The following CACNA1E variants were observed in gnomAD, a reference collection of about 807,000 sequenced individuals.
CACNA1E encodes calcium voltage-gated channel subunit alpha1 E.
Under a neutral mutation model 259.2 loss-of-function variants are expected in CACNA1E, and 40 were observed. That is an observed-to-expected ratio of 0.15 (90% CI 0.12 to 0.20). The LOEUF is 0.20. Among genes scored for constraint, CACNA1E ranks in the 10% least tolerant of loss-of-function variants. The probability of loss-of-function intolerance (pLI) is 1.00; values close to 1 mark genes in which losing one functional copy is unlikely to be tolerated. For missense variants in CACNA1E, 1,874 were observed against 3,040.1 expected (o/e 0.62, Z 9.02); for synonymous variants, 1,104 against 1,138.5 (o/e 0.97, Z 0.61).
intron 3 of CACNA1E, among the ~76,000 whole-genome samples, chr1:181,538,674 A>G (rs1054377534): frequency 6.6e-6 from 1 of 152,176 alleles, no homozygotes; most frequent in Non-Finnish European, 1.5e-5. Context: ...GGAAAAAAAA[A>G]ACACAGAGAG....
chr1:181,484,861 C>T (rs761333139), intron 1 of CACNA1E, among the ~76,000 whole-genome samples: 1 of 152,244 alleles, frequency 6.6e-6, no homozygotes, highest in Non-Finnish European at 1.5e-5. Context: ...CTCTCCCTAG[C>T]TCCAAAGGAA....
chr1:181,579,175 G>A lies in CACNA1E; in HGVS notation c.720G>A (p.Leu240=). 1 of 1,613,692 alleles carries A rather than the reference G, an allele frequency of 6.2e-7. No homozygotes were observed. The highest frequency in any genetic ancestry group is 8.5e-7 in the Non-Finnish European group (1 of 1,179,672). ...TCCTGATGTTTGCTATCATTGGTTT[G>A]GAGTTCTACAGTGGCAAGTTACATC... ...FAILMFAIIG[L]EFYSGKLHRA... Residue 240 remains leucine, a synonymous_variant, in exon 5 of 48, where the codon TTG becomes TTA. Coordinates refer to ENST00000367573, the MANE Select transcript of CACNA1E (RefSeq NM_001205293.3).
At chr1:181,417,945 C>G (rs1452703337) in intron 2 of CACNA1E, among the ~76,000 whole-genome samples, 3 of 152,104 alleles carry the variant, frequency 2.0e-5, no homozygotes, top group Non-Finnish European at 4.4e-5. Flanking sequence ...AAAAATGAGC[C>G]CCTTTGTTTA....
At chr1:181,437,538 T>C (rs1323428398) in intron 2 of CACNA1E, among the ~76,000 whole-genome samples, 1 of 152,282 alleles carries the variant, frequency 6.6e-6, no homozygotes, top group East Asian at 1.9e-4. Flanking sequence ...AAACTGCTCT[T>C]GTTCAGGTCA....
intron 24 of CACNA1E, among the ~76,000 whole-genome samples, 184 bp downstream of exon 24, chr1:181,738,610 G>A (rs774066514): frequency 6.6e-6 from 1 of 152,142 alleles, no homozygotes; most frequent in Non-Finnish European, 1.5e-5. Flanking sequence ...ACACGGCTGC[G>A]TGGATGTGTT....
At chr1:181,743,918 GGCCCGT>G (rs1481581169) in intron 25 of CACNA1E, among the ~76,000 whole-genome samples, 1 of 152,230 alleles carries the variant, frequency 6.6e-6, no homozygotes, top group Admixed American at 6.5e-5. Context: ...AATTTACCAT[GGCCCGT>G]GCATCAGTCA....
At chr1:181,610,284 T>C (rs1654634126) in intron 6 of CACNA1E, among the ~76,000 whole-genome samples, 1 of 152,192 alleles carries the variant, frequency 6.6e-6, no homozygotes, top group South Asian at 2.1e-4. Context: ...AGCCATTTCC[T>C]CATTCCCATC....
In CACNA1E at chr1:181,511,047, C is replaced by T. The variant is rs17494681; in HGVS notation, c.373-324C>T. 0.14 allele frequency among the ~76,000 whole-genome samples: 21,624 copies of T among 152,244 alleles called. 1,729 individuals are homozygous for T. The highest frequency in any genetic ancestry group is 0.18 in the Non-Finnish European group (12,166 of 67,998). The stretch of plus-strand genomic sequence containing the variant: ...TCACGTGTGTACTTGAGATGATGAC[C>T]TTCAAGCTTCTAACTTATGTGAAGA... On this transcript the variant is annotated intron_variant, in intron 2 of 47. Coordinates refer to ENST00000367573, the MANE Select transcript of CACNA1E (RefSeq NM_001205293.3).
chr1:181,576,339 T>G (rs1650972394), intron 3 of CACNA1E, among the ~76,000 whole-genome samples: 1 of 152,180 alleles, frequency 6.6e-6, no homozygotes, highest in Admixed American at 6.5e-5. Context: ...TACTTGGAGT[T>G]TTGGGAAGGG....
chr1:181,512,494 GGAGAGAAAA>G (rs1467027330), intron 3 of CACNA1E, among the ~76,000 whole-genome samples: 2 of 152,214 alleles, frequency 1.3e-5, no homozygotes, highest in African/African-American at 4.8e-5. Context: ...CAACAGGAAA[GGAGAGAAAA>G]GAGGAATTGT....
intron 1 of CACNA1E, among the ~76,000 whole-genome samples, chr1:181,375,446 AG>A (rs1319003254): frequency 6.6e-6 from 1 of 152,230 alleles, no homozygotes; most frequent in African/African-American, 2.4e-5. Flanking sequence ...TATCTGATAG[AG>A]TCTGCTAAGA....
intron 1 of CACNA1E, among the ~76,000 whole-genome samples, chr1:181,342,537 A>T (rs1315126478): frequency 6.6e-6 from 1 of 152,232 alleles, no homozygotes; most frequent in Non-Finnish European, 1.5e-5. Flanking sequence ...ACACGGATGA[A>T]TTTCCTAAAT....
intron 2 of CACNA1E, among the ~76,000 whole-genome samples, chr1:181,438,892 A>G (rs971873148): frequency 1.3e-5 from 2 of 151,766 alleles, no homozygotes; most frequent in Non-Finnish European, 2.9e-5. Flanking sequence ...TTGTGATAGC[A>G]GGGACTTAGA....
rs72452833 is a variant in CACNA1E, at chr1:181,611,402, G to GT, written c.951+30639dup. 8.7e-3 allele frequency among the ~76,000 whole-genome samples: 1,265 copies of GT among 145,220 alleles called. 6 individuals carry two copies. Among genetic ancestry groups the GT allele is most frequent in the South Asian group, 0.016 (75 of 4,610 alleles). ...ATTTTTGCTTGATTTTTAAGTCAGT[G>GT]TTTTTTTTTTTTTCTCAGAAGCAAT... On this transcript the variant is annotated intron_variant, in intron 6 of 47. Transcript: ENST00000367573.
chr1:181,638,904 T>C (rs1002492793), intron 6 of CACNA1E, among the ~76,000 whole-genome samples: 1 of 152,198 alleles, frequency 6.6e-6, no homozygotes, highest in African/African-American at 2.4e-5. Flanking sequence ...CATGCTGAAC[T>C]GTGAGTCAGT....
At chr1:181,447,405 C>A (rs1277048186) in intron 2 of CACNA1E, among the ~76,000 whole-genome samples, 1 of 151,650 alleles carries the variant, frequency 6.6e-6, no homozygotes, top group African/African-American at 2.4e-5. Context: ...TGGTGGTGTG[C>A]CTGTAGTCCC....
chr1:181,432,374 T>C (rs1455688329), intron 2 of CACNA1E, among the ~76,000 whole-genome samples: 1 of 152,130 alleles, frequency 6.6e-6, no homozygotes, highest in Non-Finnish European at 1.5e-5. Flanking sequence ...AATAAAAAAA[T>C]TTTTTAATGT....
intron 2 of CACNA1E, among the ~76,000 whole-genome samples, chr1:181,441,798 G>C (rs1660494636): frequency 6.6e-6 from 1 of 152,148 alleles, no homozygotes; most frequent in Admixed American, 6.6e-5. Flanking sequence ...GCAAACTCTT[G>C]TGTCTTTTTA....
At chr1:181,386,914 C>T (rs772271091) in intron 1 of CACNA1E, among the ~76,000 whole-genome samples, 12 of 152,190 alleles carry the variant, frequency 7.9e-5, no homozygotes, top group South Asian at 2.1e-4. Context: ...GAGTGGGGAC[C>T]GCTCTTGGGC....
Sources: allele counts gnomAD v4.1 joint callset (sites outside exome capture counted in the v4.1 genomes callset), GRCh38; gene constraint gnomAD v4.1.1; transcripts MANE v1.5; gene names NCBI Gene and HGNC (gene_info 2026-07-23, HGNC 2026-07-21).